The following WNK3 variants were observed in gnomAD, a reference collection of about 807,000 sequenced individuals.
WNK3 encodes serine/threonine-protein kinase WNK3.
WNK3 carries 18 observed loss-of-function variants against 116.7 expected under a neutral mutation model. The ratio of observed to expected loss-of-function variants is 0.15; its 90% CI spans 0.11 to 0.23. The LOEUF (loss-of-function observed/expected upper bound fraction) is 0.23, where lower values mean the gene tolerates loss of function less well. WNK3 is among the 10% of genes least tolerant of loss of function. WNK3 has a pLI of 1.00. For missense variants in WNK3, 993 were observed against 1,323.8 expected (o/e 0.75, Z 3.88); for synonymous variants, 404 against 469.4 (o/e 0.86, Z 1.80).
intron 22 of WNK3, among the ~76,000 whole-genome samples, chrX:54,206,712 T>C (rs1557142756): frequency 8.9e-6 from 1 of 112,367 alleles, no homozygotes; most frequent in African/African-American, 3.2e-5. Context: ...CTAGCCAATA[T>C]ATTCTTCAAA....
chrX:54,291,949 G>T (rs1375616666), intron 10 of WNK3, among the ~76,000 whole-genome samples: 1 of 111,520 alleles, frequency 9.0e-6, no homozygotes, highest in Non-Finnish European at 1.9e-5. Flanking sequence ...ATGGTGGGAG[G>T]TGAGAGGAGA....
At chrX:54,357,959 AG>A (rs1192396383) in exon 1 of WNK3, 29 of 110,584 alleles carry the variant, frequency 2.6e-4, no homozygotes, top group African/African-American at 9.2e-4. Flanking sequence ...GGGCGGAGAG[AG>A]GGGAGCGGGG....
chrX:54,262,689 C>T (rs782545681), intron 10 of WNK3, among the ~76,000 whole-genome samples: 130 of 110,369 alleles, frequency 1.2e-3, no homozygotes, highest in African/African-American at 4.0e-3. Flanking sequence ...CAGTGGCTCA[C>T]ATTGGGAGGC....
At chrX:54,293,565 AC>A (rs1169035327) in intron 8 of WNK3, among the ~76,000 whole-genome samples, 1 of 112,087 alleles carries the variant, frequency 8.9e-6, no homozygotes, top group Admixed American at 9.6e-5. Context: ...CAACCTAAAA[AC>A]AGAGAATCAG....
intron 5 of WNK3, among the ~76,000 whole-genome samples, chrX:54,306,361 A>G (rs1003292016): frequency 8.9e-6 from 1 of 111,926 alleles, no homozygotes; most frequent in Non-Finnish European, 1.9e-5. Context: ...TCACTGCATC[A>G]CTATACACAA....
chrX:54,236,866 T>C, intron 20 of WNK3, 72 bp downstream of exon 20: 1 of 1,070,570 alleles, frequency 9.3e-7, no homozygotes, highest in South Asian at 2.5e-5. Context: ...CCTAAATTAG[T>C]TACCAATCCA....
chrX:54,267,397 A>G (rs1261534390), intron 10 of WNK3, among the ~76,000 whole-genome samples: 1 of 110,555 alleles, frequency 9.0e-6, no homozygotes, highest in African/African-American at 3.3e-5. Context: ...CCATAAATAT[A>G]TGCACCTGCT....
intron 2 of WNK3, among the ~76,000 whole-genome samples, chrX:54,320,855 G>A (rs1222927026): frequency 9.1e-6 from 1 of 110,293 alleles, no homozygotes; most frequent in Non-Finnish European, 1.9e-5. Flanking sequence ...ACACTAAAAT[G>A]CGTCACATGC....
At chrX:54,275,960 T>A (rs1331151754) in intron 10 of WNK3, among the ~76,000 whole-genome samples, 1 of 110,443 alleles carries the variant, frequency 9.1e-6, no homozygotes, top group Admixed American at 9.8e-5. Flanking sequence ...TATAATATAA[T>A]GATAAAAAGA....
chrX:54,235,317 G>A (rs1414601881), intron 20 of WNK3, among the ~76,000 whole-genome samples: 4 of 111,727 alleles, frequency 3.6e-5, no homozygotes, highest in East Asian at 2.8e-4. Context: ...ATGGAGTCTC[G>A]CTCTGTCACC....
At chrX:54,250,014 G>C (rs781922477) in exon 16 of WNK3, 1 of 1,202,918 alleles carries the variant, frequency 8.3e-7, no homozygotes, top group East Asian at 3.0e-5. Context: ...ATGTCGGCCA[G>C]GAACCGCAGA....
chrX:54,226,687 A>C (rs2067846133), intron 22 of WNK3, among the ~76,000 whole-genome samples: 1 of 107,351 alleles, frequency 9.3e-6, no homozygotes, highest in Admixed American at 1.0e-4. Flanking sequence ...ACTAAAAATA[A>C]AAAATTAGTG....
chrX:54,229,217 G>T (rs1293443144), intron 21 of WNK3, among the ~76,000 whole-genome samples: 1 of 110,787 alleles, frequency 9.0e-6, no homozygotes, highest in Non-Finnish European at 1.9e-5. Flanking sequence ...TATAGAATCT[G>T]TAAGCTGAAA....
rs1182543786 is a variant in WNK3 at position 54,195,383 on chromosome X, CT to C, written c.*2940del. On this transcript the variant is annotated 3_prime_UTR_variant, in exon 24 of 24. Coordinates refer to ENST00000354646, the Ensembl canonical transcript of WNK3. ...GAAGGCCCTTTTTATATAGTAGGCT[CT>C]TTGTTAAGAAGGGAATTTCTGAGCT... 18 of 111,395 alleles carry C rather than the reference CT, an allele frequency of 1.6e-4. No homozygotes were observed. In the East Asian group the frequency reaches 5.0e-3, roughly 31 times the overall value. 9.2% of individuals were successfully genotyped at this position (111,395 alleles called of 1,213,427 possible).
exon 9 of WNK3, chrX:54,293,203 A>G: frequency 8.3e-7 from 1 of 1,210,822 alleles, no homozygotes; most frequent in Non-Finnish European, 1.1e-6. Context: ...CATTTACTTC[A>G]GCCTGCGGGA....
intron 2 of WNK3, among the ~76,000 whole-genome samples, chrX:54,326,629 T>C (rs2147238430): frequency 9.1e-6 from 1 of 110,136 alleles, no homozygotes; most frequent in Admixed American, 9.8e-5. Flanking sequence ...GCCCAGGAGT[T>C]TGAGACCAGC....
At position 54,278,095 on chromosome X, in the gene WNK3, G is replaced by GAA. The variant is rs556765360; in HGVS notation, c.2037+14791_2037+14792dup. ...GGCAACAGAGTGAGACCCTGCCTCA[G>GAA]AAAAAAAAAAAAAAAAGAGCACAAT... is the stretch of plus-strand genomic sequence containing the variant. On this transcript the variant is annotated intron_variant, in intron 10 of 23. Coordinates refer to ENST00000354646, the Ensembl canonical transcript of WNK3. Among the ~76,000 whole-genome samples, 10 of 55,579 alleles carry GAA rather than the reference G, an allele frequency of 1.8e-4. No homozygotes were observed. In the Middle Eastern group the frequency reaches 0.035, roughly 196 times the overall value. 48.3% of individuals were successfully genotyped at this position (55,579 alleles called of 115,157 possible). A position where few individuals can be genotyped will look rare whatever the true frequency, so the allele number is the denominator to read the frequency against.
chrX:54,226,094 CCAAAAAA>C (rs1284529043), intron 22 of WNK3, among the ~76,000 whole-genome samples: 2 of 11,997 alleles, frequency 1.7e-4, no homozygotes, highest in Non-Finnish European at 1.2e-3. Context: ...ATCCACATAC[CCAAAAAA>C]AAAAAAAAAA....
exon 10 of WNK3, chrX:54,293,017 C>T: frequency 8.3e-7 from 1 of 1,209,745 alleles, no homozygotes; most frequent in Non-Finnish European, 1.1e-6. Flanking sequence ...GCGGCTGAGT[C>T]AGCTTTGAAT....
Sources: allele counts gnomAD v4.1 joint callset (sites outside exome capture counted in the v4.1 genomes callset), GRCh38; gene constraint gnomAD v4.1.1; transcripts MANE v1.5; gene names NCBI Gene and HGNC (gene_info 2026-07-23, HGNC 2026-07-21).